The following TEKTL1 variants were observed in gnomAD, a reference collection of about 807,000 sequenced individuals.
The protein encoded by TEKTL1 is tektin like 1, also known as tektin-like protein 1.
chr19:15,016,564 T>C, the TEKTL1 span, among the ~76,000 whole-genome samples: 3 of 152,206 alleles, frequency 2.0e-5, no homozygotes, highest in African/African-American at 4.8e-5. Context: ...TAATTAATAT[T>C]TGAATTCATG....
chr19:15,019,943 T>A, the TEKTL1 span, among the ~76,000 whole-genome samples: 1 of 147,476 alleles, frequency 6.8e-6, no homozygotes, highest in Admixed American at 6.8e-5. Flanking sequence ...CTACAACCTG[T>A]GCAACATGTG....
the TEKTL1 span, chr19:15,013,601 C>G: frequency 1.7e-6 from 2 of 1,197,308 alleles, no homozygotes; most frequent in Middle Eastern, 2.3e-4. Flanking sequence ...AAACCCTCTA[C>G]CACCCTGGAA....
At chr19:15,012,923 G>T in the TEKTL1 span, among the ~76,000 whole-genome samples, 1 of 133,154 alleles carries the variant, frequency 7.5e-6, no homozygotes, top group South Asian at 2.5e-4. Context: ...CAACCCAGGT[G>T]AAACTCCCCC....
the TEKTL1 span, among the ~76,000 whole-genome samples, chr19:15,017,010 C>T: frequency 2.6e-5 from 4 of 152,098 alleles, no homozygotes; most frequent in East Asian, 7.7e-4. Context: ...AGTTTGAGGC[C>T]AGGAATTTGA....
the TEKTL1 span, chr19:15,011,468 C>T: frequency 3.1e-6 from 4 of 1,274,638 alleles, no homozygotes; most frequent in African/African-American, 3.2e-5. Flanking sequence ...GTGTCCAGCC[C>T]CGGGGAAATC....
chr19:15,021,913 C>T, the TEKTL1 span: 1 of 1,613,152 alleles, frequency 6.2e-7, no homozygotes, highest in Non-Finnish European at 8.5e-7. Flanking sequence ...CTGCGCGCCT[C>T]GCACAGGTAA....
the TEKTL1 span, chr19:15,021,366 G>A: frequency 2.5e-6 from 4 of 1,614,072 alleles, no homozygotes; most frequent in South Asian, 1.1e-5. Context: ...GCGCCTTGGC[G>A]CTAAACGAAG....
the TEKTL1 span, among the ~76,000 whole-genome samples, chr19:15,018,732 A>ATATATATATATATATATATATATATATAT: frequency 1.2e-3 from 92 of 78,522 alleles, 3 homozygotes; most frequent in Non-Finnish European, 1.8e-3. Context: ...ATATATATAT[A>ATATATATATATATATATATATATATATAT]ACTTCCCTGG....
At chr19:15,022,782 TC>T in the TEKTL1 span, 1 of 1,378,476 alleles carries the variant, frequency 7.3e-7, no homozygotes. Flanking sequence ...TCAGCTGTGT[TC>T]CTTACACACA....
At chr19:15,015,408 T>C in the TEKTL1 span, among the ~76,000 whole-genome samples, 8 of 152,332 alleles carry the variant, frequency 5.3e-5, no homozygotes, top group East Asian at 1.5e-3. Flanking sequence ...GCTGGGCAAG[T>C]GATTTCATAA....
the TEKTL1 span, chr19:15,021,739 G>T: frequency 1.2e-6 from 2 of 1,612,564 alleles, no homozygotes; most frequent in Non-Finnish European, 8.5e-7. Flanking sequence ...AGCCTTCGGG[G>T]GTGGAGGCAG....
chr19:15,011,214 C>A, the TEKTL1 span: 1 of 1,477,094 alleles, frequency 6.8e-7, no homozygotes, highest in Non-Finnish European at 8.9e-7. Flanking sequence ...CACGCGCACG[C>A]GCGTGGAGCG....
the TEKTL1 span, among the ~76,000 whole-genome samples, chr19:15,016,185 C>CTTTTT: frequency 4.4e-3 from 295 of 66,742 alleles, 13 homozygotes; most frequent in African/African-American, 0.015. Flanking sequence ...GACAGCTGTC[C>CTTTTT]TTTTTTTTTT....
chr19:15,014,828 T>C, the TEKTL1 span, among the ~76,000 whole-genome samples: 1 of 151,954 alleles, frequency 6.6e-6, no homozygotes, highest in South Asian at 2.1e-4. Flanking sequence ...TGATGATTCC[T>C]GAAATATCCT....
At chr19:15,011,220 G>T in the TEKTL1 span, 1 of 1,479,904 alleles carries the variant, frequency 6.8e-7, no homozygotes, top group Non-Finnish European at 8.9e-7. Flanking sequence ...CACGCGCGTG[G>T]AGCGCGCCTC....
the TEKTL1 span, among the ~76,000 whole-genome samples, chr19:15,013,414 C>T: frequency 2.0e-5 from 3 of 152,244 alleles, no homozygotes; most frequent in South Asian, 2.1e-4. Context: ...ATCTCAGCCC[C>T]CTGGGCTCCT....
chr19:15,014,736 GGC>G, the TEKTL1 span, among the ~76,000 whole-genome samples: 5 of 118,624 alleles, frequency 4.2e-5, no homozygotes, highest in African/African-American at 1.6e-4. Flanking sequence ...GGGGGCGGGG[GGC>G]GGGGGCTGCT....
At chr19:15,022,289 T>C in the TEKTL1 span, among the ~76,000 whole-genome samples, 1 of 151,486 alleles carries the variant, frequency 6.6e-6, no homozygotes, top group African/African-American at 2.4e-5. Context: ...GGCACCTGCA[T>C]AGAATACCCT....
the TEKTL1 span, among the ~76,000 whole-genome samples, chr19:15,018,112 G>C: frequency 7.9e-5 from 12 of 152,184 alleles, no homozygotes; most frequent in Non-Finnish European, 1.6e-4. Flanking sequence ...CAGCACTTTG[G>C]GAGGCTGAGG....
Sources: allele counts gnomAD v4.1 joint callset (sites outside exome capture counted in the v4.1 genomes callset), GRCh38; gene constraint gnomAD v4.1.1; transcripts MANE v1.5; gene names NCBI Gene and HGNC (gene_info 2026-07-23, HGNC 2026-07-21).